The following XKR6 variants were observed in gnomAD, a reference collection of about 807,000 sequenced individuals.
XKR6 encodes XK related 6.
In XKR6, 22 loss-of-function variants were observed where a neutral mutation model predicts 56.7. The ratio of observed to expected loss-of-function variants is 0.39; its 90% CI spans 0.28 to 0.55. The LOEUF is 0.55. XKR6 is among the 20% of genes least tolerant of loss of function. The pLI is 0.66. For missense variants in XKR6, 852 were observed against 889.0 expected (o/e 0.96, Z 0.53); for synonymous variants, 524 against 387.8 (o/e 1.35, Z -4.13).
intron 1 of XKR6, among the ~76,000 whole-genome samples, chr8:11,142,569 G>A (rs764418905): frequency 2.0e-5 from 3 of 152,064 alleles, no homozygotes; most frequent in African/African-American, 7.2e-5. Flanking sequence ...GAGTTCACAC[G>A]AGATCTGATT....
chr8:10,992,173 C>T (rs563927726), intron 1 of XKR6, among the ~76,000 whole-genome samples: 1 of 152,286 alleles, frequency 6.6e-6, no homozygotes, highest in South Asian at 2.1e-4. Flanking sequence ...TGCTGTTCAG[C>T]TGTCAAATGT....
At chr8:11,187,299 T>C (rs991584568) in intron 1 of XKR6, among the ~76,000 whole-genome samples, 1 of 152,122 alleles carries the variant, frequency 6.6e-6, no homozygotes, top group Admixed American at 6.5e-5. Context: ...CAACAAAGCA[T>C]AAGAAAGGTA....
chr8:10,923,015 G>T (rs1800767491), intron 2 of XKR6, among the ~76,000 whole-genome samples: 2 of 152,238 alleles, frequency 1.3e-5, no homozygotes, highest in East Asian at 3.9e-4. Context: ...GCCACCTGGG[G>T]CCTCTTCCTG....
intron 1 of XKR6, among the ~76,000 whole-genome samples, chr8:11,067,420 G>C (rs1424601404): frequency 6.6e-6 from 1 of 152,224 alleles, no homozygotes; most frequent in Non-Finnish European, 1.5e-5. Context: ...AGTCCCATTT[G>C]AACATCAAAA....
At chr8:11,119,309 T>C (rs1799333497) in intron 1 of XKR6, among the ~76,000 whole-genome samples, 2 of 152,214 alleles carry the variant, frequency 1.3e-5, no homozygotes, top group South Asian at 2.1e-4. Context: ...GAGAGTTCTG[T>C]AGATGTCTAT....
chr8:11,121,260 A>T (rs1375767910), intron 1 of XKR6, among the ~76,000 whole-genome samples: 2 of 152,012 alleles, frequency 1.3e-5, no homozygotes, highest in Non-Finnish European at 2.9e-5. Context: ...AACCTACAGA[A>T]TGGGAGAAAA....
rs373155751 is a variant in XKR6 at position 10,949,872 on chromosome 8, C to G, written c.765-25042G>C. ...ATCTCTGAGCTGGAGCAAGAGCCCACTTCCACAGGCCAGGAGTCCCTTTCC... is the reference window on the plus strand; with the variant it reads ...ATCTCTGAGCTGGAGCAAGAGCCCAGTTCCACAGGCCAGGAGTCCCTTTCC... On this transcript the variant is annotated intron_variant, in intron 1 of 2. Coordinates refer to ENST00000416569, the MANE Select transcript of XKR6 (RefSeq NM_173683.4). 2.6e-4 allele frequency among the ~76,000 whole-genome samples: 39 copies of G among 152,268 alleles called. No individual in the cohort carries two copies. The South Asian group carries it at 6.2e-3, about 24-fold the overall frequency.
intron 1 of XKR6, among the ~76,000 whole-genome samples, chr8:11,122,271 A>C (rs1407680143): frequency 3.3e-5 from 5 of 152,248 alleles, no homozygotes; most frequent in Non-Finnish European, 7.3e-5. Flanking sequence ...ACGTCACTGA[A>C]GATCAGTCTC....
chr8:11,108,417 A>C (rs777846937), intron 1 of XKR6: 224 of 437,862 alleles, frequency 5.1e-4, no homozygotes, highest in Non-Finnish European at 8.0e-4. Context: ...AGTCACACTT[A>C]GGGAGAAAAT....
chr8:11,193,608 T>C (rs1476275253), intron 1 of XKR6, among the ~76,000 whole-genome samples: 1 of 152,102 alleles, frequency 6.6e-6, no homozygotes, highest in Non-Finnish European at 1.5e-5. Flanking sequence ...CTTAACAGAA[T>C]TATTTCCTAA....
intron 1 of XKR6, among the ~76,000 whole-genome samples, chr8:11,049,670 C>A (rs1007134308): frequency 9.9e-5 from 15 of 152,214 alleles, no homozygotes; most frequent in African/African-American, 3.1e-4. Context: ...TCCCCGTGGG[C>A]TGGCAGGGGA....
chr8:11,120,559 A>G (rs1261920323), intron 1 of XKR6, among the ~76,000 whole-genome samples: 2 of 152,178 alleles, frequency 1.3e-5, no homozygotes, highest in African/African-American at 4.8e-5. Context: ...ATGGAAGAAC[A>G]TTCCATGCTC....
intron 1 of XKR6, among the ~76,000 whole-genome samples, chr8:10,934,829 A>G (rs1801164601): frequency 2.0e-5 from 3 of 149,988 alleles, no homozygotes; most frequent in South Asian, 2.2e-4. Flanking sequence ...TTTTGCATCA[A>G]TGTTCATCAG....
intron 1 of XKR6, among the ~76,000 whole-genome samples, chr8:11,117,163 G>C (rs1022980421): frequency 3.9e-5 from 6 of 152,168 alleles, no homozygotes; most frequent in African/African-American, 1.4e-4. Flanking sequence ...TGTTTCCTTA[G>C]TTTAGACTGA....
intron 1 of XKR6, among the ~76,000 whole-genome samples, chr8:11,114,298 C>T (rs998292654): frequency 2.0e-5 from 3 of 152,140 alleles, no homozygotes; most frequent in Non-Finnish European, 2.9e-5. Context: ...AACTGAAATC[C>T]AAGTTGGTTC....
chr8:11,156,621 C>T lies in XKR6; in HGVS notation c.764+43955G>A, dbSNP rs114749165. Among the ~76,000 whole-genome samples, 871 of 152,274 alleles carry T rather than the reference C, an allele frequency of 5.7e-3. 12 individuals are homozygous for T. The highest frequency in any genetic ancestry group is 0.02 in the African/African-American group (842 of 41,556). ...TAAAAATTATTGCCCCCAAAATTAG[C>T]ACAGTATCTAACATATAGTAGACAC... On this transcript the variant is annotated intron_variant, in intron 1 of 2. Coordinates refer to ENST00000416569, the MANE Select transcript of XKR6 (RefSeq NM_173683.4).
At chr8:11,166,412 C>T (rs1586641011) in intron 1 of XKR6, among the ~76,000 whole-genome samples, 1 of 151,942 alleles carries the variant, frequency 6.6e-6, no homozygotes, top group Admixed American at 6.6e-5. Context: ...AAAACCAAAC[C>T]CCCAAGAACT....
chr8:10,979,349 C>T (rs1797672503), intron 1 of XKR6, among the ~76,000 whole-genome samples: 1 of 151,898 alleles, frequency 6.6e-6, no homozygotes, highest in African/African-American at 2.4e-5. Context: ...AGGAAGCAAG[C>T]AGAAGGCTCG....
intron 1 of XKR6, among the ~76,000 whole-genome samples, chr8:10,989,480 G>A (rs1330458460): frequency 2.6e-5 from 4 of 152,130 alleles, no homozygotes; most frequent in African/African-American, 9.7e-5. Flanking sequence ...AATCCATTTC[G>A]GGAATTGAAA....
Sources: gnomAD v4.1 joint callset for allele counts (sites outside exome capture counted in the v4.1 genomes callset) on GRCh38, gnomAD v4.1.1 for gene constraint, MANE v1.5 for transcripts, NCBI Gene and HGNC (gene_info 2026-07-23, HGNC 2026-07-21) for gene names.